ZNF334: variants seen among roughly 807,000 people sequenced by gnomAD.
The protein encoded by ZNF334 is zinc finger protein 334.
ZNF334 carries 14 observed loss-of-function variants against 12.4 expected under a neutral mutation model. The observed-to-expected ratio is 1.13, with a 90% CI of 0.74 to 1.76. The LOEUF (loss-of-function observed/expected upper bound fraction) is 1.76. ZNF334 is among the 40% of genes most tolerant of loss of function. The pLI, the probability that ZNF334 is intolerant of heterozygous loss-of-function variation, is 0.00. For missense variants in ZNF334, 797 were observed against 804.5 expected, an observed-to-expected ratio of 0.99 and a Z score of 0.11; for synonymous variants, 273 against 269.6, an observed-to-expected ratio of 1.01 and a Z score of -0.12.
chr20:46,485,642 C>G, the ZNF334 span: 1 of 151,990 alleles, frequency 6.6e-6, no homozygotes, highest in African/African-American at 2.4e-5. Flanking sequence ...GTGCTGACAT[C>G]AGGGAAGGCA....
downstream of ZNF334, among the ~76,000 whole-genome samples, chr20:46,495,360 T>G (rs1448530897): frequency 6.6e-6 from 1 of 150,712 alleles, no homozygotes; most frequent in African/African-American, 2.4e-5. Flanking sequence ...CATACTAGAT[T>G]AGGGTGGGTC....
intron 1 of ZNF334, 36 bp from the exon 2 acceptor site, chr20:46,512,176 G>C: frequency 6.5e-7 from 1 of 1,538,670 alleles, no homozygotes; most frequent in South Asian, 1.1e-5. Context: ...AATCATGAGC[G>C]ATTTGGCTCA....
chr20:46,495,299 G>A (rs1403050974), downstream of ZNF334, among the ~76,000 whole-genome samples: 2 of 151,534 alleles, frequency 1.3e-5, no homozygotes, highest in Non-Finnish European at 2.9e-5. Flanking sequence ...GCTCATTAAT[G>A]TGACCCTATT....
the ZNF334 span, among the ~76,000 whole-genome samples, chr20:46,474,132 T>C: frequency 6.6e-6 from 1 of 152,152 alleles, no homozygotes; most frequent in Non-Finnish European, 1.5e-5. Flanking sequence ...CCCAGCACTT[T>C]GGGAGGCTGA....
chr20:46,498,224 C>T (rs1342521538), downstream of ZNF334, among the ~76,000 whole-genome samples: 1 of 152,202 alleles, frequency 6.6e-6, no homozygotes, highest in Non-Finnish European at 1.5e-5. Flanking sequence ...TCCTGGTACT[C>T]AGGCTCCTGT....
the ZNF334 span, among the ~76,000 whole-genome samples, chr20:46,471,363 G>A: frequency 1.3e-5 from 2 of 152,162 alleles, no homozygotes; most frequent in African/African-American, 4.8e-5. Context: ...AGAATACTGT[G>A]TCAGGTATAT....
the ZNF334 span, among the ~76,000 whole-genome samples, chr20:46,493,751 C>T: frequency 3.3e-5 from 5 of 152,160 alleles, no homozygotes; most frequent in Admixed American, 1.3e-4. Flanking sequence ...AAAGCAGGAG[C>T]GTGGTGCCTT....
chr20:46,505,041 C>T (rs2061382304), intron 2 of ZNF334: 1 of 240,658 alleles, frequency 4.2e-6, no homozygotes. Context: ...TAGAAATGTA[C>T]ATCTTTAAAG....
Position 46,501,382 on chromosome 20 carries a change from C to G in ZNF334, c.1957G>C (p.Glu653Gln). The G allele has an allele frequency of 6.2e-7, 1 of 1,614,130 alleles. No homozygotes were observed. Among genetic ancestry groups the G allele is most frequent in the Non-Finnish European group, 8.5e-7 (1 of 1,180,002 alleles). ...CATTTGTTACATTCATAAGGTTTCTCTCCTGTGTGTATTTTCTGATGTTCA... is the reference window on the plus strand; with the variant it reads ...CATTTGTTACATTCATAAGGTTTCTGTCCTGTGTGTATTTTCTGATGTTCA... The part of the protein sequence containing the change: ...LTEHQKIHTG[E>Q]KPYECNKCEK... Residue 653 changes from glutamate to glutamine, a missense_variant, in exon 5 of 5, where the codon GAG (glutamate) becomes CAG (glutamine). Transcript: ENST00000692313.
intron 4 of ZNF334, among the ~76,000 whole-genome samples, chr20:46,503,774 G>C (rs1432914584): frequency 6.6e-6 from 1 of 152,142 alleles, no homozygotes; most frequent in Non-Finnish European, 1.5e-5. Flanking sequence ...CCCTACTCCG[G>C]ATCCTGGTGA....
the ZNF334 span, among the ~76,000 whole-genome samples, chr20:46,472,271 A>G: frequency 6.0e-4 from 91 of 152,332 alleles, no homozygotes; most frequent in Middle Eastern, 3.4e-3. Context: ...GACCCTGAGG[A>G]GACAGCAGTG....
At chr20:46,509,278 T>C (rs1420529939) in intron 2 of ZNF334, among the ~76,000 whole-genome samples, 5 of 152,232 alleles carry the variant, frequency 3.3e-5, no homozygotes, top group Admixed American at 2.0e-4. Context: ...AAAGGGAGGA[T>C]GGCTTTTAGT....
At chr20:46,496,304 TG>T (rs1388576798), downstream of ZNF334, among the ~76,000 whole-genome samples, 2 of 152,232 alleles carry the variant, frequency 1.3e-5, no homozygotes, top group African/African-American at 2.4e-5. Context: ...TGCTGCTGCA[TG>T]GCCTCTTCCA....
At chr20:46,476,501 T>C in the ZNF334 span, among the ~76,000 whole-genome samples, 1 of 152,194 alleles carries the variant, frequency 6.6e-6, no homozygotes. Flanking sequence ...ATGTTACCAT[T>C]AGGCAAAACT....
chr20:46,477,828 C>T, the ZNF334 span, among the ~76,000 whole-genome samples: 1 of 152,208 alleles, frequency 6.6e-6, no homozygotes, highest in East Asian at 1.9e-4. Flanking sequence ...TGAATATGGA[C>T]ATGCTTAGCA....
At position 46,502,981 on chromosome 20, in the gene ZNF334, G is replaced by A. The variant is rs1355281948; in HGVS notation, c.358C>T (p.Leu120Phe). 1.2e-6 allele frequency: 2 copies of A among 1,614,012 alleles called. No individual in the cohort carries two copies. The highest frequency in any genetic ancestry group is 2.7e-5 in the African/African-American group (2 of 75,046). ...GGAACACTATTCATGCCCAGATTAA[G>A]TGTTTTCCCAAATACATTCTCTCTT... ...TERENVFGKTLNLGMNSVPSR... is the reference protein window; with the variant it reads ...TERENVFGKTFNLGMNSVPSR... Residue 120 changes from leucine (L) to phenylalanine (F), a missense_variant, in exon 5 of 5, where the codon CTT becomes TTT. Coordinates refer to ENST00000692313, the MANE Select transcript of ZNF334 (RefSeq NM_001353824.2).
In ZNF334 at chr20:46,500,141, A is replaced by G. The variant is rs2061105103; in HGVS notation, c.*1155T>C. The G allele has an allele frequency of 6.6e-6, 1 of 152,236 alleles. No homozygotes were observed. Among genetic ancestry groups the G allele is most frequent in the East Asian group, 1.9e-4 (1 of 5,198 alleles). The allele number at this position is 152,236 out of a possible 1,614,324, so 9.4% of individuals were successfully genotyped here. A position where few individuals can be genotyped will look rare whatever the true frequency, so the allele number is the denominator to read the frequency against. On this transcript the variant is annotated 3_prime_UTR_variant, in exon 5 of 5. Coordinates refer to ENST00000692313, the MANE Select transcript of ZNF334 (RefSeq NM_001353824.2). ...TCAGCCCACAATGAAGAGGGAGTTC[A>G]GCTGAGCAAACCCAGTTACCCATCA... is the stretch of plus-strand genomic sequence containing the variant.
the ZNF334 span, among the ~76,000 whole-genome samples, chr20:46,489,785 T>C: frequency 6.6e-6 from 1 of 152,222 alleles, no homozygotes; most frequent in Non-Finnish European, 1.5e-5. Flanking sequence ...TGTATATTTA[T>C]AAATATTCCA....
intron 2 of ZNF334, among the ~76,000 whole-genome samples, chr20:46,508,878 T>C (rs1000238019): frequency 2.2e-4 from 33 of 152,220 alleles, no homozygotes; most frequent in Non-Finnish European, 2.5e-4. Flanking sequence ...ATAGTATTTT[T>C]ATATATTTTT....
Sources: gnomAD v4.1 joint callset for allele counts (sites outside exome capture counted in the v4.1 genomes callset) on GRCh38, gnomAD v4.1.1 for gene constraint, MANE v1.5 for transcripts, NCBI Gene and HGNC (gene_info 2026-07-23, HGNC 2026-07-21) for gene names.